The following PON1 variants were observed in gnomAD, a reference collection of about 807,000 sequenced individuals.
PON1 encodes paraoxonase 1, also known as serum paraoxonase/arylesterase 1.
A neutral mutation model predicts 39.2 loss-of-function variants in PON1; 37 were observed. That is an observed-to-expected ratio of 0.94 (90% CI 0.73 to 1.24). PON1 has a LOEUF of 1.24. Among genes scored for constraint, PON1 ranks in the 50% most tolerant of loss-of-function variants. PON1 has a pLI of 0.00. For missense variants in PON1, 397 were observed against 413.5 expected (o/e 0.96, Z 0.35); for synonymous variants, 148 against 152.2 (o/e 0.97, Z 0.21).
Position 95,302,324 on chromosome 7 carries a change from A to G in PON1, c.790T>C (p.Phe264Leu). Residue 264 changes from phenylalanine to leucine, a missense_variant, in exon 8 of 9, where the codon TTT becomes CTT. By Grantham distance (22) the Phe-to-Leu change is conservative (BLOSUM62 0). Transcript: ENST00000222381. ...WTLTPLKSLDFNTLVDNISVD... is the reference protein window; with the variant it reads ...WTLTPLKSLDLNTLVDNISVD... ...GATATGTTATCCACGAGGGTATTAA[A>G]GTCAAGGGACTTAAAAGATTAAAAA... 1 of 1,608,078 alleles carries G rather than the reference A, an allele frequency of 6.2e-7. No individual in the cohort carries two copies.
intron 1 of PON1, chr7:95,318,724 T>C (rs1263438799): frequency 7.2e-6 from 2 of 278,644 alleles, no homozygotes; most frequent in African/African-American, 4.4e-5. Context: ...AATGGCAACA[T>C]GGTTCCAGTT....
At position 95,298,038 on chromosome 7, in the gene PON1, A is replaced by T. The variant is rs1585688531; in HGVS notation, c.*906T>A. 2 of 151,700 alleles carry T rather than the reference A, an allele frequency of 1.3e-5. No individual in the cohort carries two copies. Among genetic ancestry groups the T allele is most frequent in the African/African-American group, 2.4e-5 (1 of 41,260 alleles). The allele number at this position is 151,700 out of a possible 1,614,324, so 9.4% of individuals were successfully genotyped here. On this transcript the variant is annotated 3_prime_UTR_variant, in exon 9 of 9. Coordinates refer to ENST00000222381, the MANE Select transcript of PON1 (RefSeq NM_000446.7). ...TTATTTGTTTGTTTACCTTTCTATT[A>T]TTTTTTTTCTTTTCAGCCTCCACAA...
At chr7:95,302,106 A>AAAAAAAAAAAAAAAAAAAAAG (rs1807441737) in intron 8 of PON1, 99 bp downstream of exon 8, 1 of 782,858 alleles carries the variant, frequency 1.3e-6, no homozygotes, top group African/African-American at 1.9e-5. Flanking sequence ...CAAAAAAAAA[A>AAAAAAAAAAAAAAAAAAAAAG]AAAAAAAAAA....
At chr7:95,322,569 C>T (rs1442052004) in intron 1 of PON1, among the ~76,000 whole-genome samples, 1 of 152,118 alleles carries the variant, frequency 6.6e-6, no homozygotes, top group Non-Finnish European at 1.5e-5. Context: ...AGAGGCCCAA[C>T]GTTAGCTTTG....
In PON1 at chr7:95,306,281, T is replaced by A. The variant is rs1807538926; in HGVS notation, c.780+4A>T. ...TGCAGACTTACAGTGTTAATACGTC[T>A]TACCTTCAATGGAGTTAAAGTCCAA... On this transcript the variant is annotated splice_donor_region_variant and intron_variant, in intron 7 of 8. Transcript: ENST00000222381. 2.5e-6 allele frequency: 4 copies of A among 1,593,198 alleles called. No homozygotes were observed. The highest frequency in any genetic ancestry group is 3.4e-6 in the Non-Finnish European group (4 of 1,161,198).
At chr7:95,318,479 C>T in intron 1 of PON1, 86 bp from the exon 2 acceptor site, 1 of 1,248,720 alleles carries the variant, frequency 8.0e-7, no homozygotes, top group Non-Finnish European at 1.2e-6. Context: ...CAAAAGTTCT[C>T]CTTCACTGTA....
At chr7:95,304,786 AAAAG>A (rs1321604240) in intron 7 of PON1, among the ~76,000 whole-genome samples, 1 of 152,192 alleles carries the variant, frequency 6.6e-6, no homozygotes. Flanking sequence ...ACGGTCTTTC[AAAAG>A]AAAGAATAAT....
chr7:95,299,386 T>C (rs371963588), intron 8 of PON1, among the ~76,000 whole-genome samples: 9 of 152,096 alleles, frequency 5.9e-5, no homozygotes, highest in African/African-American at 1.9e-4. Flanking sequence ...TAGGGAGCAG[T>C]GGGGATTTCA....
chr7:95,318,248 A>G (rs1807814846), intron 2 of PON1, 75 bp downstream of exon 2: 11 of 1,186,884 alleles, frequency 9.3e-6, no homozygotes, highest in Admixed American at 1.7e-5. Flanking sequence ...AGAATTGAAC[A>G]GGCACATTAA....
Position 95,324,482 on chromosome 7 carries a change from G to A in PON1, c.-7C>T, listed in dbSNP as rs1807970870. The A allele has an allele frequency of 1.2e-6, 2 of 1,613,776 alleles. No homozygotes were observed. Among genetic ancestry groups the A allele is most frequent in the Non-Finnish European group, 1.7e-6 (2 of 1,179,866 alleles). ...GCGCAATCAGCTTCGCCATGGTCGGGGATAGACAAAGGGATCGATGGGCGC... is the reference window on the plus strand; with the variant it reads ...GCGCAATCAGCTTCGCCATGGTCGGAGATAGACAAAGGGATCGATGGGCGC... On this transcript the variant is annotated 5_prime_UTR_variant, in exon 1 of 9. Coordinates refer to ENST00000222381, the MANE Select transcript of PON1 (RefSeq NM_000446.7).
At chr7:95,319,066 G>A (rs573624053) in intron 1 of PON1, among the ~76,000 whole-genome samples, 3 of 151,588 alleles carry the variant, frequency 2.0e-5, no homozygotes, top group Non-Finnish European at 4.4e-5. Context: ...GCAGAGCGAA[G>A]CTACTGATGC....
chr7:95,319,063 G>A (rs1362018117), intron 1 of PON1, among the ~76,000 whole-genome samples: 1 of 151,604 alleles, frequency 6.6e-6, no homozygotes, highest in Non-Finnish European at 1.5e-5. Flanking sequence ...TGAGCAGAGC[G>A]AAGCTACTGA....
At chr7:95,324,304 G>T in intron 1 of PON1, 98 bp downstream of exon 1, 4 of 1,097,640 alleles carry the variant, frequency 3.6e-6, no homozygotes, top group South Asian at 1.3e-5. Flanking sequence ...GCTTGTAAAT[G>T]TTCTGTTAAC....
chr7:95,304,790 GAA>G (rs1043829301), intron 7 of PON1, among the ~76,000 whole-genome samples: 1 of 152,162 alleles, frequency 6.6e-6, no homozygotes, highest in African/African-American at 2.4e-5. Context: ...TCTTTCAAAA[GAA>G]AGAATAATGT....
chr7:95,299,757 G>A (rs1264594876), intron 8 of PON1, among the ~76,000 whole-genome samples: 1 of 152,096 alleles, frequency 6.6e-6, no homozygotes, highest in African/African-American at 2.4e-5. Flanking sequence ...CTTGCAGACC[G>A]CCTACTGTGG....
intron 4 of PON1, among the ~76,000 whole-genome samples, chr7:95,313,323 C>T (rs1807694841): frequency 1.3e-5 from 2 of 152,282 alleles, no homozygotes; most frequent in Non-Finnish European, 2.9e-5. Flanking sequence ...GTGGGAACAA[C>T]CTAAATATTT....
Position 95,302,123 on chromosome 7 carries a change from C to CAAAAAAAAA in PON1, c.909+81_909+82insTTTTTTTTT, listed in dbSNP as rs1198986302. 7 of 460,350 alleles carry CAAAAAAAAA rather than the reference C, an allele frequency of 1.5e-5. No individual in the cohort carries two copies. The African/African-American group carries it at 2.3e-4, about 15-fold the overall frequency. The allele number at this position is 460,350 out of a possible 1,614,324, so 28.5% of individuals were successfully genotyped here. A position where few individuals can be genotyped will look rare whatever the true frequency, so the allele number is the denominator to read the frequency against. On this transcript the variant is annotated intron_variant, in intron 8 of 8. Transcript: ENST00000222381. Reference sequence around the variant, plus strand: ...AAAAAAAAAAAAAAAAAAAAAAAACCAAGAATTGAGAATTATGTTGTCAAC... The same window carrying CAAAAAAAAA: ...AAAAAAAAAAAAAAAAAAAAAAAACCAAAAAAAAAAAGAATTGAGAATTATGTTGTCAAC...
At chr7:95,311,372 T>C (rs1807649225) in intron 5 of PON1, 79 bp downstream of exon 5, 2 of 1,555,160 alleles carry the variant, frequency 1.3e-6, no homozygotes, top group African/African-American at 1.4e-5. Flanking sequence ...ATACCTACTC[T>C]GGCCAAAAGG....
intron 1 of PON1, 57 bp downstream of exon 1, chr7:95,324,345 G>T (rs1807965512): frequency 6.5e-7 from 1 of 1,546,802 alleles, no homozygotes; most frequent in Admixed American, 1.7e-5. Flanking sequence ...GGGGCTCGTG[G>T]AGCTGGCAGG....
Sources: gnomAD v4.1 joint callset for allele counts (sites outside exome capture counted in the v4.1 genomes callset) on GRCh38, gnomAD v4.1.1 for gene constraint, MANE v1.5 for transcripts, NCBI Gene and HGNC (gene_info 2026-07-23, HGNC 2026-07-21) for gene names.